Variants in PCDHA1 observed in about 807,000 individuals in gnomAD.
PCDHA1 encodes the protein protocadherin alpha 1.
PCDHA1 carries 42 observed loss-of-function variants against 61.3 expected under a neutral mutation model. That is an observed-to-expected ratio of 0.69 (90% CI 0.54 to 0.89). The LOEUF (loss-of-function observed/expected upper bound fraction) is 0.89. Among genes scored for constraint, PCDHA1 ranks in the 40% least tolerant of loss-of-function variants. The pLI is 0.00. For synonymous variants in PCDHA1, 610 were observed against 553.8 expected, an observed-to-expected ratio of 1.10 and a Z score of -1.43; for missense variants, 1,256 against 1,235.3, an observed-to-expected ratio of 1.02 and a Z score of -0.25.
chr5:140,970,854 T>G (rs2096437899), intron 1 of PCDHA1, among the ~76,000 whole-genome samples: 1 of 152,148 alleles, frequency 6.6e-6, no homozygotes, highest in Non-Finnish European at 1.5e-5. Flanking sequence ...GCACAAAAGT[T>G]CCATTCCTGA....
At chr5:140,848,603 G>A (rs144574743) in intron 1 of PCDHA1, 1 of 1,581,062 alleles carries the variant, frequency 6.3e-7, no homozygotes, top group Non-Finnish European at 8.7e-7. Flanking sequence ...ACTCCGTCCC[G>A]GAGGAAGCCG....
At chr5:140,827,338 G>A (rs1158154683) in intron 1 of PCDHA1, among the ~76,000 whole-genome samples, 1 of 152,144 alleles carries the variant, frequency 6.6e-6, no homozygotes, top group Non-Finnish European at 1.5e-5. Flanking sequence ...AAGTGGTGAA[G>A]TATATGAAAA....
intron 1 of PCDHA1, among the ~76,000 whole-genome samples, chr5:140,878,776 T>C (rs1437840291): frequency 2.0e-5 from 3 of 152,226 alleles, no homozygotes; most frequent in Non-Finnish European, 4.4e-5. Flanking sequence ...TGGAATATAG[T>C]ATATGTTCAA....
intron 3 of PCDHA1, chr5:140,989,128 G>T (rs2097330831): frequency 1.3e-5 from 2 of 152,178 alleles, no homozygotes; most frequent in Non-Finnish European, 2.9e-5. Flanking sequence ...AGAAAAATAA[G>T]ACACTTTATC....
intron 1 of PCDHA1, chr5:140,807,221 C>T (rs1763864756): frequency 3.1e-6 from 5 of 1,614,044 alleles, no homozygotes; most frequent in Non-Finnish European, 4.2e-6. Context: ...CCAGGAATCC[C>T]GGCGTCTGCT....
At chr5:140,854,785 T>A (rs998570267) in intron 1 of PCDHA1, 1 of 149,624 alleles carries the variant, frequency 6.7e-6, no homozygotes, top group Non-Finnish European at 1.5e-5. Flanking sequence ...TTTCAAGAAC[T>A]TTGAGAGAGA....
chr5:140,838,003 A>T lies in PCDHA1; in HGVS notation c.2394+49319A>T, dbSNP rs2150281807. Among the ~76,000 whole-genome samples, 108 of 151,040 alleles carry T rather than the reference A, an allele frequency of 7.2e-4. 1 individual carries two copies. Among genetic ancestry groups the T allele is most frequent in the East Asian group, 2.3e-3 (12 of 5,140 alleles). On this transcript the variant is annotated intron_variant, in intron 1 of 3. Coordinates refer to ENST00000504120, the MANE Select transcript of PCDHA1 (RefSeq NM_018900.4). ...CTGCCTTTCATCTTTCCTTTTTTTTAAAAAAAGAAGTGATTACAGTAGAAA... is the reference window on the plus strand; with the variant it reads ...CTGCCTTTCATCTTTCCTTTTTTTTTAAAAAAGAAGTGATTACAGTAGAAA...
intron 1 of PCDHA1, chr5:140,825,852 C>T (rs1378132475): frequency 2.0e-5 from 3 of 152,420 alleles, no homozygotes; most frequent in African/African-American, 7.2e-5. Flanking sequence ...ATGATACAAA[C>T]TCCCCTCTTG....
At chr5:140,796,492 G>T (rs1562160461) in intron 1 of PCDHA1, 1 of 1,612,332 alleles carries the variant, frequency 6.2e-7, no homozygotes, top group Admixed American at 1.7e-5. Flanking sequence ...CTACGTTTCG[G>T]TGCACGCGGA....
intron 1 of PCDHA1, chr5:140,803,246 C>A: frequency 1.9e-6 from 3 of 1,613,836 alleles, no homozygotes; most frequent in Non-Finnish European, 2.5e-6. Flanking sequence ...CCCAGGCGTC[C>A]GCTGGCGCCA....
intron 1 of PCDHA1, among the ~76,000 whole-genome samples, chr5:140,880,869 G>C (rs1017640769): frequency 6.6e-6 from 1 of 152,064 alleles, no homozygotes. Context: ...TATGTGAAGA[G>C]GTAAATAAAG....
Position 140,968,215 on chromosome 5 carries a change from G to T in PCDHA1, c.2395-10734G>T, listed in dbSNP as rs782676713. The stretch of plus-strand genomic sequence containing the variant: ...CCATCTACATACAGGAGAACAATTT[G>T]CCAGGTGTGTTGCTCTGTACTGTGC... On this transcript the variant is annotated intron_variant, in intron 1 of 3. Transcript: ENST00000504120. 3.1e-6 allele frequency: 5 copies of T among 1,613,862 alleles called. No homozygotes were observed. In the East Asian group the frequency reaches 1.1e-4, roughly 36 times the overall value.
chr5:140,945,807 C>G (rs1408404648), intron 1 of PCDHA1, among the ~76,000 whole-genome samples: 1 of 152,120 alleles, frequency 6.6e-6, no homozygotes, highest in African/African-American at 2.4e-5. Context: ...AGACCCTTAT[C>G]TCACACTGTA....
At chr5:140,893,951 T>TTA (rs2064251628) in intron 1 of PCDHA1, among the ~76,000 whole-genome samples, 1 of 152,184 alleles carries the variant, frequency 6.6e-6, no homozygotes, top group Admixed American at 6.5e-5. Context: ...CTGCATGACT[T>TTA]TATTAGTCAT....
chr5:140,810,807 C>CT (rs1385124401), intron 1 of PCDHA1: 5 of 151,708 alleles, frequency 3.3e-5, no homozygotes, highest in African/African-American at 4.8e-5. Context: ...GTTTTTAATT[C>CT]TTTTTTGTCT....
intron 3 of PCDHA1, among the ~76,000 whole-genome samples, chr5:141,007,295 A>G (rs181235064): frequency 1.6e-3 from 250 of 151,912 alleles, no homozygotes; most frequent in Non-Finnish European, 2.9e-3. Context: ...TCATGCCTGT[A>G]ATCTTAGCAT....
At position 140,786,705 on chromosome 5, in the gene PCDHA1, A is replaced by G. The variant is rs1304416996; in HGVS notation, c.415A>G (p.Ile139Val). Residue 139 changes from isoleucine (I) to valine (V), a missense_variant, in exon 1 of 4, where the codon ATA (isoleucine) becomes GTA (valine). By Grantham distance (29) the Ile-to-Val change is conservative. Coordinates refer to ENST00000504120, the MANE Select transcript of PCDHA1 (RefSeq NM_018900.4). ...ACCCGTCTTCAGGGGCAGAGAACAA[A>G]TAATATTTATTCCTGAATCTAGACT... ...NPPVFRGREQ[I>V]IFIPESRLLN... The G allele has an allele frequency of 6.2e-7, 1 of 1,614,094 alleles. No individual in the cohort carries two copies. The highest frequency in any genetic ancestry group is 1.3e-5 in the African/African-American group (1 of 74,930).
intron 1 of PCDHA1, chr5:140,871,303 G>T: frequency 6.2e-7 from 1 of 1,613,972 alleles, no homozygotes; most frequent in Non-Finnish European, 8.5e-7. Flanking sequence ...GTGCGCGCCG[G>T]GGAAGCCCAC....
chr5:140,847,349 A>T (rs1213665115), intron 1 of PCDHA1: 5 of 149,876 alleles, frequency 3.3e-5, no homozygotes, highest in Admixed American at 6.7e-5. Flanking sequence ...TTAGGCTGTT[A>T]TCAGTAGAAA....
Sources: allele counts gnomAD v4.1 joint callset (sites outside exome capture counted in the v4.1 genomes callset), GRCh38; gene constraint gnomAD v4.1.1; transcripts MANE v1.5; gene names NCBI Gene and HGNC (gene_info 2026-07-23, HGNC 2026-07-21).